FAM78B: variants seen among roughly 807,000 people sequenced by gnomAD.
FAM78B encodes family with sequence similarity 78 member B.
Under a neutral mutation model 20.0 loss-of-function variants are expected in FAM78B, and 10 were observed. The observed-to-expected ratio is 0.50, with a 90% CI of 0.31 to 0.85. FAM78B has a LOEUF of 0.85. Ranked by LOEUF, FAM78B falls within the 40% of genes least tolerant of loss-of-function variation. The probability of loss-of-function intolerance (pLI) is 0.05; values close to 1 mark genes in which losing one functional copy is unlikely to be tolerated. For synonymous variants in FAM78B, 135 were observed against 132.8 expected (o/e 1.02, Z -0.12); for missense variants, 283 against 345.0 (o/e 0.82, Z 1.42).
intron 1 of FAM78B, among the ~76,000 whole-genome samples, chr1:166,135,432 G>A (rs551648758): frequency 2.0e-5 from 3 of 152,222 alleles, no homozygotes; most frequent in Admixed American, 2.0e-4. Context: ...GCATCATCCT[G>A]ATGATGATTC....
At chr1:166,114,350 G>C (rs1460593521) in intron 1 of FAM78B, among the ~76,000 whole-genome samples, 1 of 152,142 alleles carries the variant, frequency 6.6e-6, no homozygotes, top group Non-Finnish European at 1.5e-5. Context: ...AAGCCGACTG[G>C]TTCATTCATT....
At chr1:166,163,338 C>G (rs1048086272) in intron 1 of FAM78B, among the ~76,000 whole-genome samples, 6 of 152,234 alleles carry the variant, frequency 3.9e-5, no homozygotes, top group African/African-American at 1.4e-4. Flanking sequence ...CTCTGGCCAT[C>G]ATAGCCATCA....
chr1:166,077,860 ATTT>A (rs1557890832), intron 1 of FAM78B, among the ~76,000 whole-genome samples: 39 of 35,088 alleles, frequency 1.1e-3, no homozygotes, highest in South Asian at 2.2e-3. Flanking sequence ...AATATATATA[ATTT>A]ATATATATAA....
chr1:166,129,867 C>G (rs898083450), intron 1 of FAM78B, among the ~76,000 whole-genome samples: 2 of 152,200 alleles, frequency 1.3e-5, no homozygotes, highest in African/African-American at 4.8e-5. Flanking sequence ...CAGCTATGGC[C>G]ATGCCATGTC....
intron 1 of FAM78B, among the ~76,000 whole-genome samples, chr1:166,132,576 T>C (rs1454242461): frequency 6.6e-6 from 1 of 152,198 alleles, no homozygotes; most frequent in Admixed American, 6.5e-5. Context: ...ATCTCCCTTC[T>C]TGTACAGCAG....
chr1:166,109,882 GTATATATGTA>G (rs1653965752), intron 1 of FAM78B, among the ~76,000 whole-genome samples: 5 of 12,248 alleles, frequency 4.1e-4, no homozygotes, highest in South Asian at 3.5e-3. Context: ...ATATATATAT[GTATATATGTA>G]TATATATATA....
At chr1:166,130,229 A>G (rs1654822110) in intron 1 of FAM78B, among the ~76,000 whole-genome samples, 1 of 152,250 alleles carries the variant, frequency 6.6e-6, no homozygotes, top group Non-Finnish European at 1.5e-5. Context: ...GCCCATTAGA[A>G]AAGGACAAAC....
At chr1:166,142,379 C>T (rs1655310622) in intron 1 of FAM78B, among the ~76,000 whole-genome samples, 1 of 152,176 alleles carries the variant, frequency 6.6e-6, no homozygotes, top group Non-Finnish European at 1.5e-5. Context: ...GACTGCACAG[C>T]TGAGGCTAGG....
chr1:166,135,984 T>C (rs1377898252), intron 1 of FAM78B, among the ~76,000 whole-genome samples: 2 of 152,240 alleles, frequency 1.3e-5, no homozygotes, highest in African/African-American at 4.8e-5. Flanking sequence ...AGACCTAGAA[T>C]ATCCCCAGGG....
chr1:166,161,628 C>T (rs1386603819), intron 1 of FAM78B, among the ~76,000 whole-genome samples: 1 of 152,076 alleles, frequency 6.6e-6, no homozygotes, highest in Non-Finnish European at 1.5e-5. Flanking sequence ...TAGCAGTAGA[C>T]AGAGAGAGTG....
intron 1 of FAM78B, among the ~76,000 whole-genome samples, chr1:166,082,281 G>A (rs1015952322): frequency 1.3e-5 from 2 of 152,144 alleles, no homozygotes; most frequent in Admixed American, 6.5e-5. Context: ...AACAAGATAA[G>A]CTTCCTCCCA....
At position 166,108,383 on chromosome 1, in the gene FAM78B, C is replaced by G. The variant is rs113177048; in HGVS notation, c.264-37620G>C. ...GCAAAGAATCAAATCAAGAACTCAA[C>G]CCCTTTTACAATAGCTACAAAAATA... is the stretch of plus-strand genomic sequence containing the variant. On this transcript the variant is annotated intron_variant, in intron 1 of 1. Coordinates refer to ENST00000354422, the MANE Select transcript of FAM78B (RefSeq NM_001017961.5). 1.3e-3 allele frequency among the ~76,000 whole-genome samples: 198 copies of G among 152,124 alleles called. 4 individuals carry two copies. The East Asian group carries it at 0.033, about 25-fold the overall frequency.
chr1:166,103,239 C>T (rs1351642282), intron 1 of FAM78B, among the ~76,000 whole-genome samples: 2 of 152,080 alleles, frequency 1.3e-5, no homozygotes, highest in Non-Finnish European at 2.9e-5. Flanking sequence ...CTAAAGCCCA[C>T]AAGAGAAAGC....
chr1:166,077,989 T>C (rs1234132018), intron 1 of FAM78B, among the ~76,000 whole-genome samples: 1 of 88,958 alleles, frequency 1.1e-5, no homozygotes, highest in African/African-American at 4.4e-5. Flanking sequence ...ATATAATTTA[T>C]ATATATAATT....
intron 1 of FAM78B, among the ~76,000 whole-genome samples, chr1:166,145,674 A>T (rs2101793213): frequency 6.6e-6 from 1 of 152,350 alleles, no homozygotes; most frequent in Middle Eastern, 3.4e-3. Context: ...AACTTATCAA[A>T]GACAATCTCA....
intron 1 of FAM78B, among the ~76,000 whole-genome samples, chr1:166,118,436 A>G (rs1351550950): frequency 6.6e-6 from 1 of 152,196 alleles, no homozygotes. Context: ...AATTTCACAC[A>G]CTAATAGGTT....
intron 1 of FAM78B, among the ~76,000 whole-genome samples, chr1:166,145,753 A>G (rs1307012969): frequency 6.6e-6 from 1 of 152,200 alleles, no homozygotes; most frequent in Admixed American, 6.5e-5. Context: ...GGTGACTAAC[A>G]CTTTTTCTTG....
chr1:166,059,019 A>G (rs1487375047), exon 3 of FAM78B: 1 of 152,624 alleles, frequency 6.6e-6, no homozygotes, highest in African/African-American at 2.4e-5. Flanking sequence ...TTGGGTTATA[A>G]GACTTACATG....
intron 1 of FAM78B, among the ~76,000 whole-genome samples, chr1:166,088,669 C>A (rs1337877013): frequency 2.0e-5 from 3 of 152,202 alleles, no homozygotes; most frequent in Non-Finnish European, 4.4e-5. Context: ...TCATTCCCAC[C>A]CTTCAATCCT....
Sources: gnomAD v4.1 joint callset for allele counts (sites outside exome capture counted in the v4.1 genomes callset) on GRCh38, gnomAD v4.1.1 for gene constraint, MANE v1.5 for transcripts, NCBI Gene and HGNC (gene_info 2026-07-23, HGNC 2026-07-21) for gene names.